The following MKLN1 variants were observed in gnomAD, a reference collection of about 807,000 sequenced individuals.
The protein encoded by MKLN1 is muskelin.
Under a neutral mutation model 99.0 loss-of-function variants are expected in MKLN1, and 18 were observed. The ratio of observed to expected loss-of-function variants is 0.18; its 90% confidence interval spans 0.13 to 0.27. The LOEUF is 0.27. Among genes scored for constraint, MKLN1 ranks in the 10% least tolerant of loss-of-function variants. The pLI, the probability that MKLN1 is intolerant of heterozygous loss-of-function variation, is 1.00. For synonymous variants in MKLN1, 288 were observed against 293.2 expected (o/e 0.98, Z 0.18); for missense variants, 621 against 875.9 (o/e 0.71, Z 3.67).
At chr7:131,254,102 A>G (rs1330282597) in intron 3 of MKLN1, among the ~76,000 whole-genome samples, 1 of 152,204 alleles carries the variant, frequency 6.6e-6, no homozygotes, top group Non-Finnish European at 1.5e-5. Context: ...AGAGGCAGAG[A>G]ACGTAACAGA....
At chr7:131,415,780 T>TTATATACA (rs1238902652) in intron 8 of MKLN1, among the ~76,000 whole-genome samples, 1 of 152,206 alleles carries the variant, frequency 6.6e-6, no homozygotes, top group East Asian at 1.9e-4. Context: ...AGAGCTAGAT[T>TTATATACA]TATATACAAA....
chr7:131,444,763 A>AGTAGTAGT (rs1795953961), intron 11 of MKLN1, among the ~76,000 whole-genome samples: 1 of 117,960 alleles, frequency 8.5e-6, no homozygotes, highest in South Asian at 3.0e-4. Flanking sequence ...GTAGTAGAAG[A>AGTAGTAGT]AGTAGTAGTA....
Position 131,275,559 on chromosome 7 carries a change from ATATATATATTTTTTTTTT to A in MKLN1, c.-179+72587_-179+72604del, listed in dbSNP as rs1265549894. Among the ~76,000 whole-genome samples the A allele has an allele frequency of 1.1e-3, 16 of 14,460 alleles. No homozygotes were observed. In the East Asian group the frequency reaches 0.017, roughly 16 times the overall value. The allele number at this position is 14,460 out of a possible 152,430, so 9.5% of individuals were successfully genotyped here. ...GATATATATATATATATATATATAT[ATATATATATTTTTTTTTT>A]TTTTTTTTTTTTTTTGGTACTTTTT... On this transcript the variant is annotated intron_variant, in intron 3 of 7. Transcript: ENST00000416992.
chr7:131,207,561 T>C (rs1260218201), intron 3 of MKLN1, among the ~76,000 whole-genome samples: 4 of 152,172 alleles, frequency 2.6e-5, no homozygotes. Flanking sequence ...AGCATGTGGA[T>C]CAGCATCACT....
At position 131,421,596 on chromosome 7, in the gene MKLN1, G is replaced by A. The variant is rs557491297; in HGVS notation, c.847+6886G>A. Reference sequence around the variant, plus strand: ...AATTGTGAGAGTTAAATGAAATAATGTATTTTGTATGTGCATATATTATTT... The same window carrying A: ...AATTGTGAGAGTTAAATGAAATAATATATTTTGTATGTGCATATATTATTT... On this transcript the variant is annotated intron_variant, in intron 8 of 17. Coordinates refer to ENST00000352689, the MANE Select transcript of MKLN1 (RefSeq NM_013255.5). Among the ~76,000 whole-genome samples the A allele has an allele frequency of 1.8e-4, 28 of 152,146 alleles. No individual in the cohort carries two copies. In the East Asian group the frequency reaches 5.2e-3, roughly 28 times the overall value.
intron 3 of MKLN1, among the ~76,000 whole-genome samples, chr7:131,220,002 T>G (rs1464625172): frequency 2.0e-5 from 3 of 152,180 alleles, no homozygotes. Context: ...TGAGGAATCC[T>G]CAAGGTCTCT....
intron 14 of MKLN1, among the ~76,000 whole-genome samples, 188 bp downstream of exon 14, chr7:131,464,596 G>A (rs1031564045): frequency 2.6e-5 from 4 of 152,254 alleles, no homozygotes; most frequent in African/African-American, 4.8e-5. Context: ...GCATTTTTAC[G>A]TAGTCTGTAA....
chr7:131,487,527 T>TA lies in MKLN1; in HGVS notation c.2087-79dup. ...CTGATTTGATTTCTCCATTATAAAATACATTGCTGCTGGTCTCAACTAGTT... is the reference window on the plus strand; with the variant it reads ...CTGATTTGATTTCTCCATTATAAAATAACATTGCTGCTGGTCTCAACTAGTT... On this transcript the variant is annotated intron_variant, in intron 17 of 17. Transcript: ENST00000352689. This position sits in a 1 kb window ranked among gnomAD's most constrained non-coding sequence, Gnocchi z 4.7. 1 of 1,471,638 alleles carries TA rather than the reference T, an allele frequency of 6.8e-7. No homozygotes were observed. The highest frequency in any genetic ancestry group is 9.2e-7 in the Non-Finnish European group (1 of 1,088,320). 91.2% of individuals were successfully genotyped at this position (1,471,638 alleles called of 1,614,324 possible).
At chr7:131,281,205 TA>T (rs1284772092) in intron 3 of MKLN1, among the ~76,000 whole-genome samples, 1 of 149,620 alleles carries the variant, frequency 6.7e-6, no homozygotes, top group East Asian at 1.9e-4. Context: ...CATTTTGAGT[TA>T]TTCTTTTTTT....
At chr7:131,318,248 A>G (rs749687607) in intron 3 of MKLN1, among the ~76,000 whole-genome samples, 14 of 152,018 alleles carry the variant, frequency 9.2e-5, no homozygotes, top group Admixed American at 7.9e-4. Context: ...AATGGAAATC[A>G]TAACAGTCTC....
At chr7:131,192,239 A>T (rs1361023352) in intron 2 of MKLN1, among the ~76,000 whole-genome samples, 1 of 93,474 alleles carries the variant, frequency 1.1e-5, no homozygotes, top group African/African-American at 4.6e-5. Flanking sequence ...CAATATATAA[A>T]TATATAAAAT....
At chr7:131,165,491 A>T (rs1422438567) in intron 2 of MKLN1, among the ~76,000 whole-genome samples, 1 of 152,128 alleles carries the variant, frequency 6.6e-6, no homozygotes, top group Non-Finnish European at 1.5e-5. Flanking sequence ...GGCCCAAGGG[A>T]AGAGTGTTTT....
intron 1 of MKLN1, among the ~76,000 whole-genome samples, chr7:131,361,354 T>C (rs1223885797): frequency 1.3e-5 from 2 of 151,908 alleles, no homozygotes; most frequent in Non-Finnish European, 2.9e-5. Flanking sequence ...TTGGGAACTT[T>C]CAGCTGTCAT....
At chr7:131,356,049 C>T (rs967855574) in intron 1 of MKLN1, among the ~76,000 whole-genome samples, 4 of 150,514 alleles carry the variant, frequency 2.7e-5, no homozygotes. Flanking sequence ...ATATACCTCC[C>T]AATAGTTCCC....
intron 3 of MKLN1, among the ~76,000 whole-genome samples, chr7:131,274,900 C>CTG (rs971492575): frequency 9.2e-5 from 14 of 152,266 alleles, no homozygotes; most frequent in Admixed American, 2.6e-4. Context: ...TTTCTTAGTG[C>CTG]TGAGACACAC....
At chr7:131,110,545 T>C (rs545393645) in intron 1 of MKLN1, among the ~76,000 whole-genome samples, 2 of 152,258 alleles carry the variant, frequency 1.3e-5, no homozygotes, top group African/African-American at 2.4e-5. Context: ...CCACATCATA[T>C]TCCCAGAGCC....
chr7:131,168,742 C>A (rs1796172477), intron 2 of MKLN1, among the ~76,000 whole-genome samples: 1 of 151,770 alleles, frequency 6.6e-6, no homozygotes, highest in South Asian at 2.1e-4. Flanking sequence ...CTCATTTTAC[C>A]CTTGCAAGCC....
At chr7:131,431,221 CAAAAA>C (rs11423575) in intron 9 of MKLN1, among the ~76,000 whole-genome samples, 1 of 137,096 alleles carries the variant, frequency 7.3e-6, no homozygotes, top group Non-Finnish European at 1.6e-5. Flanking sequence ...GACTCTGTCT[CAAAAA>C]AAAACAAAAA....
At chr7:131,131,680 A>G (rs929994194) in intron 1 of MKLN1, among the ~76,000 whole-genome samples, 2 of 152,170 alleles carry the variant, frequency 1.3e-5, no homozygotes, top group Non-Finnish European at 2.9e-5. Context: ...TAACTATTAT[A>G]CTAAAGTATC....
Sources: gnomAD v4.1 joint callset for allele counts (sites outside exome capture counted in the v4.1 genomes callset) on GRCh38, gnomAD v4.1.1 for gene constraint, Gnocchi (gnomAD v3.1) non-coding constraint, MANE v1.5 for transcripts, NCBI Gene and HGNC (gene_info 2026-07-23, HGNC 2026-07-21) for gene names.